POR: variants seen among roughly 807,000 people sequenced by gnomAD.
POR encodes NADPH--cytochrome P450 reductase.
In POR, 56 loss-of-function variants were observed where a neutral mutation model predicts 84.0. That is an observed-to-expected ratio of 0.67 (90% CI 0.54 to 0.83). The LOEUF is 0.83. POR is among the 40% of genes least tolerant of loss of function. The pLI is 0.00. For synonymous variants in POR, 414 were observed against 400.5 expected, an observed-to-expected ratio of 1.03 and a Z score of -0.40; for missense variants, 938 against 944.3, an observed-to-expected ratio of 0.99 and a Z score of 0.09.
At chr7:75,948,447 T>G (rs73363965) in intron 1 of POR, among the ~76,000 whole-genome samples, 11,922 of 152,146 alleles carry the variant, frequency 0.078, 1,461 homozygotes, top group African/African-American at 0.26. Flanking sequence ...TTTCCTTCGT[T>G]TTGCGTGTTA....
chr7:75,958,318 A>G (rs1470153931), intron 2 of POR, among the ~76,000 whole-genome samples: 2 of 151,752 alleles, frequency 1.3e-5, no homozygotes, highest in Non-Finnish European at 2.9e-5. Context: ...ACATCTAACA[A>G]TGTTGCCCAG....
rs567904247 is a variant in POR at position 75,984,947 on chromosome 7, G to A, written c.1237G>A (p.Gly413Ser). The A allele has an allele frequency of 2.1e-4, 337 of 1,595,270 alleles. 1 individual carries two copies. In the Middle Eastern group the frequency reaches 4.3e-3, roughly 21 times the overall value. ...GCTGCGCAAGATGGCCTCCTCCTCC[G>A]GCGAGGGCAAGGTGCGCCCCCTCAG... The change falls in exon 11 of 16, where the codon GGC becomes AGC. Residue 413 changes from glycine (G) to serine (S), a missense_variant. Physicochemically the swap from Gly to Ser is moderately conservative, Grantham distance 56. Coordinates refer to ENST00000461988, the MANE Select transcript of POR (RefSeq NM_000941.3).
intron 1 of POR, chr7:75,918,828 A>G (rs1554548443): frequency 6.6e-6 from 1 of 151,930 alleles, no homozygotes; most frequent in East Asian, 1.9e-4. Flanking sequence ...GATTGCTAGG[A>G]GTTCTCTGAG....
intron 2 of POR, among the ~76,000 whole-genome samples, chr7:75,965,386 G>T (rs1332979888): frequency 6.6e-6 from 1 of 152,138 alleles, no homozygotes; most frequent in African/African-American, 2.4e-5. Flanking sequence ...CCCAGGAGAG[G>T]GTGAGTGACC....
chr7:75,958,715 C>T (rs1014257665), intron 2 of POR, among the ~76,000 whole-genome samples: 2 of 152,066 alleles, frequency 1.3e-5, no homozygotes, highest in African/African-American at 2.4e-5. Flanking sequence ...CATGGTGGCT[C>T]ACGCCTGTAA....
intron 1 of POR, among the ~76,000 whole-genome samples, chr7:75,929,819 C>T (rs551401666): frequency 4.2e-4 from 64 of 152,300 alleles, no homozygotes; most frequent in African/African-American, 1.4e-3. Context: ...CCTGTGACTC[C>T]GTGGTCCTCT....
At chr7:75,967,628 C>G (rs193198965) in intron 2 of POR, among the ~76,000 whole-genome samples, 41 of 150,760 alleles carry the variant, frequency 2.7e-4, no homozygotes, top group African/African-American at 9.0e-4. Flanking sequence ...GAGCTTTGTT[C>G]CGCAGACATG....
intron 1 of POR, among the ~76,000 whole-genome samples, chr7:75,919,392 T>C (rs1554548529): frequency 2.0e-5 from 3 of 151,730 alleles, no homozygotes; most frequent in African/African-American, 7.3e-5. Flanking sequence ...CGTGTGTGTG[T>C]GTGTGTGTGT....
At chr7:75,916,391 C>G (rs1399999917) in intron 1 of POR, among the ~76,000 whole-genome samples, 2 of 152,152 alleles carry the variant, frequency 1.3e-5, no homozygotes, top group Admixed American at 1.3e-4. Flanking sequence ...ACGGAAATCC[C>G]TTTTGAGTGG....
chr7:75,922,319 G>GTTTT (rs1223302280), intron 1 of POR, among the ~76,000 whole-genome samples: 1 of 125,658 alleles, frequency 8.0e-6, no homozygotes. Flanking sequence ...CTGATCTGTA[G>GTTTT]TTTTTTTTTT....
intron 2 of POR, among the ~76,000 whole-genome samples, chr7:75,956,069 G>A (rs551512590): frequency 3.9e-5 from 6 of 152,208 alleles, no homozygotes; most frequent in East Asian, 1.9e-4. Context: ...AGGCCGAGGC[G>A]GGAGAAATCA....
chr7:75,965,958 C>T (rs782099737), intron 2 of POR, among the ~76,000 whole-genome samples: 17 of 152,046 alleles, frequency 1.1e-4, no homozygotes, highest in Admixed American at 5.2e-4. Context: ...GGGAGGTGCA[C>T]CTTGCTTGGG....
intron 1 of POR, among the ~76,000 whole-genome samples, chr7:75,917,799 C>G (rs1314628277): frequency 3.9e-5 from 6 of 152,086 alleles, no homozygotes; most frequent in South Asian, 2.1e-4. Flanking sequence ...GAGTACCCAC[C>G]ACCTGGCCAA....
chr7:75,940,289 G>A (rs1554551353), intron 1 of POR, among the ~76,000 whole-genome samples: 2 of 151,120 alleles, frequency 1.3e-5, no homozygotes, highest in Non-Finnish European at 3.0e-5. Context: ...GTTTCGCCAT[G>A]TTGGCCAGGC....
intron 12 of POR, 62 bp from the exon 13 acceptor site, chr7:75,985,517 T>TGGGGCC: frequency 6.9e-7 from 1 of 1,452,506 alleles, no homozygotes; most frequent in Non-Finnish European, 9.1e-7. Context: ...GAACGGGACT[T>TGGGGCC]GGGGCCGGGG....
Position 75,955,946 on chromosome 7 carries a change from A to G in POR, c.188+1766A>G, listed in dbSNP as rs1156296211. Reference sequence around the variant, plus strand: ...TTACAGCCTTCACACCGTAAAGCAGATATTCACACAACACAGTTCTTATAC... The same window carrying G: ...TTACAGCCTTCACACCGTAAAGCAGGTATTCACACAACACAGTTCTTATAC... On this transcript the variant is annotated intron_variant, in intron 2 of 15. Coordinates refer to ENST00000461988, the MANE Select transcript of POR (RefSeq NM_000941.3). 3.3e-5 allele frequency among the ~76,000 whole-genome samples: 5 copies of G among 152,196 alleles called. 1 individual carries two copies. Among genetic ancestry groups the G allele is most frequent in the African/African-American group, 9.7e-5 (4 of 41,444 alleles).
intron 2 of POR, among the ~76,000 whole-genome samples, chr7:75,956,812 G>A (rs1335651882): frequency 6.6e-6 from 1 of 151,656 alleles, no homozygotes; most frequent in African/African-American, 2.4e-5. Context: ...TGCAACCTCC[G>A]CCTCCCGGGT....
At chr7:75,931,937 A>C (rs1010744252) in intron 1 of POR, among the ~76,000 whole-genome samples, 1 of 152,162 alleles carries the variant, frequency 6.6e-6, no homozygotes, top group African/African-American at 2.4e-5. Context: ...GGCCTCCCTT[A>C]AGTGCTTATT....
At chr7:75,980,277 C>T (rs187328577) in intron 4 of POR, 62 bp from the exon 5 acceptor site, 14 of 1,563,672 alleles carry the variant, frequency 9.0e-6, no homozygotes, top group South Asian at 2.3e-5. Flanking sequence ...CCATCTGGTG[C>T]GGGTTGAACC....
Sources: allele counts gnomAD v4.1 joint callset (sites outside exome capture counted in the v4.1 genomes callset), GRCh38; gene constraint gnomAD v4.1.1; transcripts MANE v1.5; gene names NCBI Gene and HGNC (gene_info 2026-07-23, HGNC 2026-07-21).